The following SI variants were observed in gnomAD, a reference collection of about 807,000 sequenced individuals.
The protein encoded by SI is sucrase-isomaltase.
A neutral mutation model predicts 253.3 loss-of-function variants in SI; 235 were observed. The ratio of observed to expected loss-of-function variants is 0.93; its 90% CI spans 0.83 to 1.03. The LOEUF is 1.03. Among genes scored for constraint, SI ranks in the 50% least tolerant of loss-of-function variants. The pLI is 0.00. For synonymous variants in SI, 819 were observed against 712.0 expected (o/e 1.15, Z -2.39); for missense variants, 2,442 against 2,211.1 (o/e 1.10, Z -2.09).
At chr3:165,082,141 C>A (rs1022295457), upstream of SI, among the ~76,000 whole-genome samples, 4 of 151,874 alleles carry the variant, frequency 2.6e-5, no homozygotes, top group Admixed American at 2.0e-4. Context: ...GAACTCTTTA[C>A]CAGCTCCATC....
intron 24 of SI, 81 bp downstream of exon 24, chr3:165,032,441 T>C (rs1173577660): frequency 1.4e-5 from 13 of 922,602 alleles, no homozygotes; most frequent in African/African-American, 3.4e-5. Context: ...TGAGGAGAAA[T>C]AGGATAAGTG....
intron 33 of SI, among the ~76,000 whole-genome samples, chr3:165,014,492 G>A (rs374131106): frequency 3.6e-4 from 55 of 152,092 alleles, no homozygotes; most frequent in African/African-American, 9.9e-4. Flanking sequence ...CTCATGATCC[G>A]CCCGCCTTGG....
chr3:164,993,352 A>C (rs186464209), intron 41 of SI, among the ~76,000 whole-genome samples: 474 of 151,510 alleles, frequency 3.1e-3, no homozygotes, highest in Non-Finnish European at 5.6e-3. Flanking sequence ...ACCAGAACAT[A>C]ATTTGAATCC....
Position 164,998,569 on chromosome 3 carries a change from C to A in SI, c.4511G>T (p.Arg1504Leu), listed in dbSNP as rs569447227. 2.5e-6 allele frequency: 4 copies of A among 1,612,026 alleles called. No homozygotes were observed. The highest frequency in any genetic ancestry group is 1.1e-5 in the South Asian group (1 of 91,060). The change falls in exon 38 of 48, where the codon CGA (arginine) becomes CTA (leucine). Residue 1504 changes from arginine (R) to leucine (L), a missense_variant. Arg to Leu is a moderately radical substitution (Grantham distance 102). Coordinates refer to ENST00000264382, the MANE Select transcript of SI (RefSeq NM_001041.4). ...GGHWLGDNYA[R>L]WDNMDKSIIG... is the part of the protein sequence containing the mutation. ...GATTGATTTGTCCATGTTGTCCCAT[C>A]GTGCATAGTTGTCTCCAAGCCAGTG... is the stretch of plus-strand genomic sequence containing the variant.
chr3:165,052,546 C>T (rs904877240), intron 13 of SI, among the ~76,000 whole-genome samples: 2 of 152,040 alleles, frequency 1.3e-5, no homozygotes, highest in African/African-American at 2.4e-5. Flanking sequence ...ATCCCAGCTC[C>T]TCGGGAGGCT....
At chr3:165,018,143 T>C in intron 28 of SI, 77 bp from the exon 29 acceptor site, 1 of 874,576 alleles carries the variant, frequency 1.1e-6, no homozygotes, top group Non-Finnish European at 1.9e-6. Flanking sequence ...TTTTAAAATT[T>C]ATTATACAAT....
At position 165,039,131 on chromosome 3, in the gene SI, C is replaced by T. The variant is rs1402576290; in HGVS notation, c.2248G>A (p.Ala750Thr). 1 of 1,577,538 alleles carries T rather than the reference C, an allele frequency of 6.3e-7. No individual in the cohort carries two copies. The highest frequency in any genetic ancestry group is 1.7e-5 in the Admixed American group (1 of 59,690). ...LLITPVLKQG[A>T]DTVSAYIPDA... is the part of the protein sequence containing the mutation. ...GGGATGTAGGCACTCACAGTATCTG[C>T]TCCCTAAAATAAAGATAATATGTAT... Residue 750 changes from alanine (A) to threonine (T), a missense_variant, in exon 20 of 48, where the codon GCA (alanine) becomes ACA (threonine). Transcript: ENST00000264382.
chr3:165,068,631 C>T (rs1560017279), intron 5 of SI, 91 bp downstream of exon 5: 4 of 912,988 alleles, frequency 4.4e-6, no homozygotes, highest in East Asian at 4.9e-5. Flanking sequence ...CGTCAGCTTC[C>T]CAAAGTGCTG....
intron 37 of SI, among the ~76,000 whole-genome samples, chr3:165,002,583 AC>A (rs1421032728): frequency 3.3e-5 from 5 of 151,776 alleles, no homozygotes; most frequent in African/African-American, 4.8e-5. Flanking sequence ...TGAGAAAAAA[AC>A]GTGTGTTTAT....
chr3:164,988,369 T>C (rs2108119117), intron 44 of SI, among the ~76,000 whole-genome samples: 1 of 152,250 alleles, frequency 6.6e-6, no homozygotes, highest in Admixed American at 6.5e-5. Context: ...TTTAGAAACA[T>C]CAAAAATATG....
At position 165,017,553 on chromosome 3, in the gene SI, G is replaced by A. The variant is rs774613636; in HGVS notation, c.3754C>T (p.Pro1252Ser). ...LYDAMVAANI[P>S]YDVQYTDIDY... Reference sequence around the variant, plus strand: ...TTTAAAATTGATATACATACATAGGGGATGTTAGCAGCCACCATAGCGTCA... The same window carrying A: ...TTTAAAATTGATATACATACATAGGAGATGTTAGCAGCCACCATAGCGTCA... Residue 1252 changes from proline (P) to serine (S), a missense_variant, in exon 31 of 48, where the codon CCC becomes TCC. Coordinates refer to ENST00000264382, the MANE Select transcript of SI (RefSeq NM_001041.4). The A allele has an allele frequency of 3.1e-6, 5 of 1,611,292 alleles. No homozygotes were observed. The highest frequency in any genetic ancestry group is 1.1e-5 in the South Asian group (1 of 90,996).
intron 5 of SI, among the ~76,000 whole-genome samples, chr3:165,068,208 T>G (rs911022653): frequency 6.6e-6 from 1 of 152,158 alleles, no homozygotes; most frequent in Non-Finnish European, 1.5e-5. Context: ...TAATAAAAAT[T>G]TTCAAATGTT....
rs1713334952 is a variant in SI, at chr3:165,049,815, A to G, written c.1573T>C (p.Leu525=). The change falls in exon 14 of 48, where the codon TTG becomes CTG. Residue 525 remains leucine, a synonymous_variant. Transcript: ENST00000264382. ...CCAGGAGTAAACGGTGGATAATTCA[A>G]TTTGTTTACATTACATCCTTTTGTT... ...GSTKGCNVNK[L]NYPPFTPDIL... 1.2e-6 allele frequency: 2 copies of G among 1,603,730 alleles called. No individual in the cohort carries two copies. The highest frequency in any genetic ancestry group is 1.7e-5 in the Admixed American group (1 of 59,942).
intron 3 of SI, among the ~76,000 whole-genome samples, chr3:165,072,543 T>C (rs970362554): frequency 6.6e-6 from 1 of 152,092 alleles, no homozygotes; most frequent in Non-Finnish European, 1.5e-5. Context: ...GTAGATTTCA[T>C]TTTTCATTCC....
chr3:165,000,822 G>T (rs1718225111), intron 37 of SI, among the ~76,000 whole-genome samples: 1 of 151,390 alleles, frequency 6.6e-6, no homozygotes, highest in South Asian at 2.1e-4. Context: ...CTTTAAGCCA[G>T]AAGAGTTTGT....
chr3:164,992,349 C>G lies in SI; in HGVS notation c.4890G>C (p.Trp1630Cys). The stretch of plus-strand genomic sequence containing the variant: ...CTGGGGTAACCATAAATGCTGGACC[C>G]CATAAGAACTGCTTGAATATATCCC... ...PTWDIFKQFL[W>C]GPAFMVTPVL... Residue 1630 changes from tryptophan (W) to cysteine (C), a missense_variant, in exon 42 of 48, where the codon TGG becomes TGC. By Grantham distance (215) the Trp-to-Cys change is radical. Transcript: ENST00000264382. The G allele has an allele frequency of 6.2e-7, 1 of 1,613,110 alleles. No homozygotes were observed. The highest frequency in any genetic ancestry group is 1.7e-5 in the Admixed American group (1 of 59,906).
chr3:165,025,559 T>C (rs1711866738), intron 25 of SI, among the ~76,000 whole-genome samples: 1 of 151,162 alleles, frequency 6.6e-6, no homozygotes, highest in Admixed American at 6.6e-5. Flanking sequence ...TCAGGTTATC[T>C]AAAGTTAAGA....
chr3:164,998,761 A>T, intron 37 of SI, 88 bp from the exon 38 acceptor site: 2 of 1,139,392 alleles, frequency 1.8e-6, no homozygotes, highest in Non-Finnish European at 2.6e-6. Flanking sequence ...AAAAAAAAAT[A>T]GTGATTTGTG....
intron 25 of SI, among the ~76,000 whole-genome samples, chr3:165,025,080 C>T (rs1216399125): frequency 1.3e-5 from 2 of 151,176 alleles, no homozygotes; most frequent in Admixed American, 6.6e-5. Flanking sequence ...CTTTCTAAGC[C>T]TCCTTTGTCA....
Sources: gnomAD v4.1 joint callset for allele counts (sites outside exome capture counted in the v4.1 genomes callset) on GRCh38, gnomAD v4.1.1 for gene constraint, MANE v1.5 for transcripts, NCBI Gene and HGNC (gene_info 2026-07-23, HGNC 2026-07-21) for gene names.